PEX1: variants seen among roughly 807,000 people sequenced by gnomAD.
PEX1 encodes the protein peroxisomal ATPase PEX1.
PEX1 carries 97 observed loss-of-function variants against 152.5 expected under a neutral mutation model. The ratio of observed to expected loss-of-function variants is 0.64; its 90% CI spans 0.54 to 0.75. PEX1 has a LOEUF of 0.75. Among genes scored for constraint, PEX1 ranks in the 30% least tolerant of loss-of-function variants. PEX1 has a pLI of 0.00. For synonymous variants in PEX1, 485 were observed against 531.6 expected (o/e 0.91, Z 1.21); for missense variants, 1,357 against 1,516.3 (o/e 0.89, Z 1.74).
At chr7:92,509,502 G>T (rs1585241861) in intron 8 of PEX1, 91 bp from the exon 9 acceptor site, 2 of 826,884 alleles carry the variant, frequency 2.4e-6, no homozygotes, top group South Asian at 1.4e-5. Context: ...TGCTGATTCT[G>T]TTATACCAGA....
At chr7:92,510,638 G>A (rs950223733) in intron 8 of PEX1, among the ~76,000 whole-genome samples, 2 of 151,878 alleles carry the variant, frequency 1.3e-5, no homozygotes, top group African/African-American at 2.4e-5. Context: ...TTAAAACTAC[G>A]TTTTCATTTG....
In PEX1 at chr7:92,518,998, T is replaced by C. The variant is rs966009423; in HGVS notation, c.354A>G (p.Ile118Met). Reference sequence around the variant, plus strand: ...GTTCTTATTTGGTTTTCTTTACCAGTATCTCCCAATCATCTGCTGAGAGGG... The same window carrying C: ...GTTCTTATTTGGTTTTCTTTACCAGCATCTCCCAATCATCTGCTGAGAGGG... ...VEPLSADDWE[I>M]LELHAVSLEQ... Residue 118 changes from isoleucine (I) to methionine (M), a missense_variant, in exon 3 of 24, where the codon ATA becomes ATG. Transcript: ENST00000248633. 2.5e-6 allele frequency: 4 copies of C among 1,603,408 alleles called. No individual in the cohort carries two copies. The highest frequency in any genetic ancestry group is 2.6e-6 in the Non-Finnish European group (3 of 1,170,424).
intron 16 of PEX1, among the ~76,000 whole-genome samples, chr7:92,498,769 C>T (rs1268594721): frequency 1.3e-5 from 2 of 152,162 alleles, no homozygotes; most frequent in African/African-American, 4.8e-5. Flanking sequence ...TAGACCTAGT[C>T]TCACTTTGAC....
chr7:92,514,007 A>G (rs1280491622), intron 5 of PEX1, 40 bp from the exon 6 acceptor site: 2 of 1,294,966 alleles, frequency 1.5e-6, no homozygotes, highest in Non-Finnish European at 2.2e-6. Flanking sequence ...ATATATTCAA[A>G]GCTTGGTTAA....
chr7:92,491,229 G>T, intron 21 of PEX1, 43 bp downstream of exon 21: 1 of 1,304,212 alleles, frequency 7.7e-7, no homozygotes, highest in Non-Finnish European at 1.1e-6. Context: ...CCAACATATA[G>T]CTTTATATTT....
chr7:92,502,373 AGTT>A (rs906672383), intron 13 of PEX1, among the ~76,000 whole-genome samples: 3 of 152,214 alleles, frequency 2.0e-5, no homozygotes, highest in Admixed American at 1.3e-4. Context: ...ATCTTAATAA[AGTT>A]GTGAAAAAAT....
At chr7:92,492,162 T>C (rs1791366241) in intron 20 of PEX1, among the ~76,000 whole-genome samples, 1 of 152,182 alleles carries the variant, frequency 6.6e-6, no homozygotes, top group African/African-American at 2.4e-5. Context: ...TTTTTCTTTT[T>C]TGGGGGCAGG....
chr7:92,500,027 T>G (rs1053685245), intron 15 of PEX1, among the ~76,000 whole-genome samples, 189 bp from the exon 16 acceptor site: 6 of 152,206 alleles, frequency 3.9e-5, no homozygotes, highest in African/African-American at 1.2e-4. Flanking sequence ...TCAAAGGAAC[T>G]ACGACAAATT....
At chr7:92,504,213 C>T (rs1199778157) in intron 12 of PEX1, among the ~76,000 whole-genome samples, 2 of 151,898 alleles carry the variant, frequency 1.3e-5, no homozygotes, top group African/African-American at 4.8e-5. Flanking sequence ...GCTGTCATCT[C>T]CTTGTTGGTC....
chr7:92,516,050 AGAGAAAAAAGAAAAGAAAAG>A lies in PEX1; in HGVS notation c.1239+1206_1239+1225del, dbSNP rs1160424455. 7.4e-3 allele frequency among the ~76,000 whole-genome samples: 671 copies of A among 90,362 alleles called. 1 individual carries two copies. Among genetic ancestry groups the A allele is most frequent in the African/African-American group, 0.016 (296 of 18,548 alleles). The allele number at this position is 90,362 out of a possible 152,430, so 59.3% of individuals were successfully genotyped here. Reference sequence around the variant, plus strand: ...AGAGAAGAGAAGAGAAGAGAAGAGAAGAGAAAAAAGAAAAGAAAAGAAAAGAAAAGAAAAGAAAAGAAAAG... The same window carrying A: ...AGAGAAGAGAAGAGAAGAGAAGAGAAAAAAGAAAAGAAAAGAAAAGAAAAG... On this transcript the variant is annotated intron_variant, in intron 5 of 23. Coordinates refer to ENST00000248633, the MANE Select transcript of PEX1 (RefSeq NM_000466.3).
chr7:92,494,225 G>C, intron 19 of PEX1, 68 bp downstream of exon 19: 1 of 1,165,160 alleles, frequency 8.6e-7, no homozygotes, highest in Non-Finnish European at 1.3e-6. Flanking sequence ...TTACCTGGCA[G>C]AAGTAAAGCT....
intron 11 of PEX1, 53 bp downstream of exon 11, chr7:92,506,195 T>C (rs1792178902): frequency 1.1e-6 from 1 of 936,432 alleles, no homozygotes; most frequent in African/African-American, 1.6e-5. Context: ...TGTATAACAT[T>C]CCTGTCTTTC....
intron 15 of PEX1, 96 bp downstream of exon 15, chr7:92,501,411 A>C: frequency 1.1e-6 from 1 of 923,614 alleles, no homozygotes; most frequent in East Asian, 2.4e-5. Flanking sequence ...TTGTTGACTC[A>C]CACGGAGATT....
rs758792905 is a variant in PEX1, at chr7:92,511,753, T to G, written c.1360-50A>C. 2.1e-5 allele frequency: 32 copies of G among 1,526,546 alleles called. No homozygotes were observed. The Middle Eastern group carries it at 1.6e-3, about 76-fold the overall frequency. The allele number at this position is 1,526,546 out of a possible 1,614,324, so 94.6% of individuals were successfully genotyped here. ...AATTATCCTCATATCTGAACTTAAC[T>G]TTAACACCCTTATTTTAACATCTGA... On this transcript the variant is annotated intron_variant, in intron 6 of 23. Coordinates refer to ENST00000248633, the MANE Select transcript of PEX1 (RefSeq NM_000466.3).
At position 92,517,346 on chromosome 7, in the gene PEX1, C is replaced by T; in HGVS notation, c.1169G>A (p.Gly390Glu). 1 of 1,613,580 alleles carries T rather than the reference C, an allele frequency of 6.2e-7. No homozygotes were observed. The highest frequency in any genetic ancestry group is 8.5e-7 in the Non-Finnish European group (1 of 1,179,644). The change falls in exon 5 of 24, where the codon GGA (glycine) becomes GAA (glutamate). Residue 390 changes from glycine to glutamate, a missense_variant. Coordinates refer to ENST00000248633, the MANE Select transcript of PEX1 (RefSeq NM_000466.3). ...KACVLQVVWN[G>E]LEELNNAIKY... ...GATGGCATTGTTCAATTCTTCAAGT[C>T]CATTCCAGACTACTTGTAGCACACA...
chr7:92,490,149 T>C, intron 21 of PEX1: 1 of 530,340 alleles, frequency 1.9e-6, no homozygotes. Context: ...CAGGGTAGGT[T>C]TTTTTAACTT....
At chr7:92,516,240 A>G (rs1191061479) in intron 5 of PEX1, among the ~76,000 whole-genome samples, 1 of 151,892 alleles carries the variant, frequency 6.6e-6, no homozygotes, top group Non-Finnish European at 1.5e-5. Flanking sequence ...AGGCTGGCTA[A>G]CATGGTGAAA....
intron 21 of PEX1, chr7:92,490,189 A>C (rs1225366366): frequency 2.3e-6 from 1 of 431,402 alleles, no homozygotes; most frequent in African/African-American, 2.0e-5. Context: ...ACTAATGCCC[A>C]AGGACAGGTT....
intron 21 of PEX1, among the ~76,000 whole-genome samples, chr7:92,490,791 C>T (rs1791262918): frequency 6.6e-6 from 1 of 152,120 alleles, no homozygotes; most frequent in Non-Finnish European, 1.5e-5. Context: ...GCTAGTAGAA[C>T]AGTGATACTG....
Sources: allele counts gnomAD v4.1 joint callset (sites outside exome capture counted in the v4.1 genomes callset), GRCh38; gene constraint gnomAD v4.1.1; transcripts MANE v1.5; gene names NCBI Gene and HGNC (gene_info 2026-07-23, HGNC 2026-07-21).